GPC6: variants seen among roughly 807,000 people sequenced by gnomAD.
GPC6 encodes the protein glypican 6.
GPC6 carries 14 observed loss-of-function variants against 55.2 expected under a neutral mutation model. That is an observed-to-expected ratio of 0.25 (90% CI 0.17 to 0.40). The LOEUF is 0.40. GPC6 is among the 10% of genes least tolerant of loss of function. The pLI is 1.00. For missense variants in GPC6, 641 were observed against 708.5 expected, an observed-to-expected ratio of 0.90 and a Z score of 1.08; for synonymous variants, 278 against 259.6, an observed-to-expected ratio of 1.07 and a Z score of -0.68.
chr13:93,998,155 T>G (rs1325348361), intron 3 of GPC6, among the ~76,000 whole-genome samples: 1 of 152,220 alleles, frequency 6.6e-6, no homozygotes, highest in East Asian at 1.9e-4. Context: ...AAAAGAGATA[T>G]GCAGTAGCAT....
chr13:94,034,987 A>G (rs1183267799), intron 4 of GPC6, among the ~76,000 whole-genome samples: 1 of 151,504 alleles, frequency 6.6e-6, no homozygotes, highest in East Asian at 1.9e-4. Flanking sequence ...CAAGCTTTTT[A>G]ATTTCTATGA....
At chr13:94,144,873 T>A (rs527814) in intron 4 of GPC6, among the ~76,000 whole-genome samples, 3 of 151,804 alleles carry the variant, frequency 2.0e-5, no homozygotes, top group Non-Finnish European at 4.4e-5. Context: ...ATGAAAAATT[T>A]TATACATTTA....
chr13:93,633,462 A>C (rs1879557877), intron 2 of GPC6, among the ~76,000 whole-genome samples: 1 of 152,008 alleles, frequency 6.6e-6, no homozygotes, highest in Non-Finnish European at 1.5e-5. Context: ...CCTGGCCAAC[A>C]TGGTGAAAAC....
At chr13:93,468,625 CA>C (rs1878998927) in intron 1 of GPC6, among the ~76,000 whole-genome samples, 1 of 151,896 alleles carries the variant, frequency 6.6e-6, no homozygotes, top group Admixed American at 6.6e-5. Flanking sequence ...CAAACAAAGC[CA>C]CAAGTGTGAT....
intron 1 of GPC6, among the ~76,000 whole-genome samples, chr13:93,295,567 G>A (rs1328616570): frequency 6.6e-6 from 1 of 151,872 alleles, no homozygotes; most frequent in Admixed American, 6.6e-5. Flanking sequence ...TGCAAGCTTC[G>A]CCTCCCAGGT....
intron 1 of GPC6, among the ~76,000 whole-genome samples, chr13:93,489,380 A>G (rs1246700606): frequency 1.3e-5 from 2 of 151,352 alleles, no homozygotes; most frequent in African/African-American, 4.8e-5. Context: ...GTAGCCTTGT[A>G]GTATAGTTTA....
intron 2 of GPC6, among the ~76,000 whole-genome samples, chr13:93,692,693 C>T (rs1882302037): frequency 6.6e-6 from 1 of 151,952 alleles, no homozygotes; most frequent in Non-Finnish European, 1.5e-5. Context: ...GCCTTTTCTT[C>T]ACTCACTAGA....
chr13:93,552,804 A>G (rs1482422683), intron 2 of GPC6, among the ~76,000 whole-genome samples: 1 of 152,240 alleles, frequency 6.6e-6, no homozygotes, highest in Non-Finnish European at 1.5e-5. Context: ...TTGGTAATGA[A>G]TGTTAATGAG....
At chr13:94,036,588 T>G (rs1883341992) in intron 4 of GPC6, among the ~76,000 whole-genome samples, 1 of 151,936 alleles carries the variant, frequency 6.6e-6, no homozygotes, top group Non-Finnish European at 1.5e-5. Flanking sequence ...AATTAGCTGA[T>G]TTGAAAAAGG....
chr13:93,886,005 A>G (rs1476699404), intron 3 of GPC6, among the ~76,000 whole-genome samples: 1 of 152,096 alleles, frequency 6.6e-6, no homozygotes, highest in Admixed American at 6.6e-5. Context: ...TTAGGAGAAC[A>G]TATAGAAGGC....
intron 1 of GPC6, among the ~76,000 whole-genome samples, chr13:93,246,250 G>A (rs967450349): frequency 4.6e-5 from 7 of 151,940 alleles, no homozygotes; most frequent in African/African-American, 1.5e-4. Flanking sequence ...ATACATTCTG[G>A]GCATGCACAC....
chr13:93,922,675 A>C (rs139717032), intron 3 of GPC6, among the ~76,000 whole-genome samples: 1 of 152,200 alleles, frequency 6.6e-6, no homozygotes, highest in Non-Finnish European at 1.5e-5. Flanking sequence ...TTACATAAAG[A>C]TACATATGGC....
intron 4 of GPC6, among the ~76,000 whole-genome samples, chr13:94,158,715 C>T (rs1888046736): frequency 6.6e-6 from 1 of 152,064 alleles, no homozygotes; most frequent in Admixed American, 6.6e-5. Context: ...TTTACCACTT[C>T]GTATCTCAAC....
At chr13:94,297,024 A>G (rs1364493478) in intron 5 of GPC6, among the ~76,000 whole-genome samples, 1 of 152,142 alleles carries the variant, frequency 6.6e-6, no homozygotes, top group Non-Finnish European at 1.5e-5. Context: ...TGTTTGTTAA[A>G]CGCAGTTGTT....
intron 4 of GPC6, among the ~76,000 whole-genome samples, chr13:94,254,496 C>T (rs996286960): frequency 3.3e-5 from 5 of 152,058 alleles, no homozygotes; most frequent in African/African-American, 7.2e-5. Context: ...ATAAACCACA[C>T]GCACCTTATC....
chr13:93,610,380 G>A (rs777496971), intron 2 of GPC6, among the ~76,000 whole-genome samples: 4 of 152,194 alleles, frequency 2.6e-5, no homozygotes, highest in African/African-American at 4.8e-5. Flanking sequence ...GAATGTGTGC[G>A]TAGGTGTGTT....
chr13:93,414,797 A>G (rs1403995050), intron 1 of GPC6, among the ~76,000 whole-genome samples: 1 of 152,108 alleles, frequency 6.6e-6, no homozygotes, highest in Non-Finnish European at 1.5e-5. Context: ...GCTTTTTCTT[A>G]AAGCTCTTTT....
At chr13:93,946,411 C>T (rs1340479894) in intron 3 of GPC6, among the ~76,000 whole-genome samples, 1 of 152,186 alleles carries the variant, frequency 6.6e-6, no homozygotes, top group East Asian at 1.9e-4. Context: ...AGATTACAGA[C>T]ATGAGCCACC....
intron 2 of GPC6, among the ~76,000 whole-genome samples, chr13:93,724,448 C>T (rs553334035): frequency 1.3e-5 from 2 of 152,092 alleles, no homozygotes; most frequent in South Asian, 2.1e-4. Flanking sequence ...TATACTTTCT[C>T]GTGAGATTCT....
Sources: allele counts gnomAD v4.1 joint callset (sites outside exome capture counted in the v4.1 genomes callset), GRCh38; gene constraint gnomAD v4.1.1; transcripts MANE v1.5; gene names NCBI Gene and HGNC (gene_info 2026-07-23, HGNC 2026-07-21).